Variants in UGT1A7 observed in about 807,000 individuals in gnomAD.
UGT1A7 encodes UDP-glucuronosyltransferase 1A7.
UGT1A7 carries 33 observed loss-of-function variants against 45.6 expected under a neutral mutation model. The ratio of observed to expected loss-of-function variants is 0.72; its 90% CI spans 0.55 to 0.97. The LOEUF (loss-of-function observed/expected upper bound fraction) is 0.97, where lower values mean the gene tolerates loss of function less well. Ranked by LOEUF, UGT1A7 falls within the 50% of genes least tolerant of loss-of-function variation. UGT1A7 has a pLI of 0.00. For synonymous variants in UGT1A7, 274 were observed against 250.6 expected, an observed-to-expected ratio of 1.09 and a Z score of -0.88; for missense variants, 684 against 666.2, an observed-to-expected ratio of 1.03 and a Z score of -0.29.
At chr2:233,767,613 G>C (rs1438949419) in intron 2 of UGT1A7, among the ~76,000 whole-genome samples, 4 of 152,108 alleles carry the variant, frequency 2.6e-5, no homozygotes, top group African/African-American at 9.7e-5. Flanking sequence ...AAAATCCTAA[G>C]TGCACAGCTT....
chr2:233,718,574 C>T (rs1436667300), intron 1 of UGT1A7, among the ~76,000 whole-genome samples: 1 of 152,174 alleles, frequency 6.6e-6, no homozygotes, highest in Non-Finnish European at 1.5e-5. Context: ...CTTGGATGTT[C>T]CCCAGAGGCA....
At chr2:233,689,696 T>G (rs2074954424) in intron 1 of UGT1A7, among the ~76,000 whole-genome samples, 1 of 152,202 alleles carries the variant, frequency 6.6e-6, no homozygotes, top group Non-Finnish European at 1.5e-5. Flanking sequence ...GTTCAGTCGT[T>G]ATTTCCCCTT....
chr2:233,762,209 C>T (rs914722298), intron 1 of UGT1A7, among the ~76,000 whole-genome samples: 1 of 152,104 alleles, frequency 6.6e-6, no homozygotes, highest in Non-Finnish European at 1.5e-5. Flanking sequence ...ATGTATTTGG[C>T]GCCCCATAAA....
At chr2:233,733,135 T>C (rs2078360537) in intron 1 of UGT1A7, among the ~76,000 whole-genome samples, 1 of 152,236 alleles carries the variant, frequency 6.6e-6, no homozygotes, top group Admixed American at 6.5e-5. Flanking sequence ...ATAGGAATGC[T>C]TGTGATTTTT....
intron 1 of UGT1A7, among the ~76,000 whole-genome samples, chr2:233,761,633 C>A (rs1697819960): frequency 6.6e-6 from 1 of 152,236 alleles, no homozygotes; most frequent in Non-Finnish European, 1.5e-5. Context: ...CTAAATCCTG[C>A]AGTCCGTTCT....
chr2:233,689,310 C>T (rs933762427), intron 1 of UGT1A7, among the ~76,000 whole-genome samples: 1 of 151,096 alleles, frequency 6.6e-6, no homozygotes, highest in African/African-American at 2.4e-5. Context: ...CACAGTAAGA[C>T]CAAACATCTA....
intron 1 of UGT1A7, chr2:233,729,644 T>A: frequency 5.6e-6 from 9 of 1,613,954 alleles, no homozygotes; most frequent in Non-Finnish European, 7.6e-6. Flanking sequence ...GTGTTTTTTT[T>A]GAGGAACATT....
intron 1 of UGT1A7, among the ~76,000 whole-genome samples, chr2:233,715,727 A>T (rs2076466166): frequency 6.6e-6 from 1 of 152,216 alleles, no homozygotes; most frequent in Non-Finnish European, 1.5e-5. Flanking sequence ...TGCCATGTTC[A>T]CGCCACCTCA....
At chr2:233,713,126 G>A in intron 1 of UGT1A7, 1 of 1,614,234 alleles carries the variant, frequency 6.2e-7, no homozygotes. Context: ...TCAGCATGCG[G>A]GAGGCCTTGC....
rs188337732 is a variant in UGT1A7 at position 233,682,451 on chromosome 2, A to G, written c.514A>G (p.Ile172Val). 3.7e-6 allele frequency: 6 copies of G among 1,613,876 alleles called. No homozygotes were observed. The Admixed American group carries it at 6.7e-5, about 18-fold the overall frequency. ...CCCCTCTGTGGTCTTCGCCAGGGGA[A>G]TATTTTGCCACTATCTTGAAGAAGG... Reference protein sequence around the residue: ...SLPSVVFARGIFCHYLEEGAQ... With the variant: ...SLPSVVFARGVFCHYLEEGAQ... Residue 172 changes from isoleucine (I) to valine (V), a missense_variant, in exon 1 of 5, where the codon ATA becomes GTA. Ile to Val is a conservative substitution (Grantham distance 29, BLOSUM62 3). Transcript: ENST00000373426.
At chr2:233,724,150 G>A (rs2077177057) in intron 1 of UGT1A7, among the ~76,000 whole-genome samples, 3 of 120,556 alleles carry the variant, frequency 2.5e-5, no homozygotes, top group Non-Finnish European at 5.1e-5. Flanking sequence ...GCGGCTGGCC[G>A]GGTGGGGGGG....
chr2:233,708,891 G>A (rs1366135571), intron 1 of UGT1A7, among the ~76,000 whole-genome samples: 1 of 151,994 alleles, frequency 6.6e-6, no homozygotes, highest in African/African-American at 2.4e-5. Flanking sequence ...AACAATCTCA[G>A]GGGCTATCTG....
chr2:233,767,793 GT>G, intron 2 of UGT1A7, 55 bp from the exon 3 acceptor site: 2 of 1,613,932 alleles, frequency 1.2e-6, no homozygotes, highest in Non-Finnish European at 1.7e-6. Context: ...TAGCAGATTT[GT>G]TTTCTAATCA....
chr2:233,760,507 T>C (rs1199756469), intron 1 of UGT1A7: 2 of 1,614,154 alleles, frequency 1.2e-6, no homozygotes, highest in South Asian at 1.1e-5. Context: ...CGGAGCATTT[T>C]ACACCTTGAA....
intron 1 of UGT1A7, among the ~76,000 whole-genome samples, chr2:233,716,593 A>G (rs17874943): frequency 0.1 from 15,436 of 152,206 alleles, 900 homozygotes; most frequent in East Asian, 0.2. Flanking sequence ...AAGAGCAAAA[A>G]TTTTAGAATT....
intron 1 of UGT1A7, among the ~76,000 whole-genome samples, chr2:233,726,446 C>T (rs1475095997): frequency 6.6e-6 from 1 of 152,204 alleles, no homozygotes; most frequent in African/African-American, 2.4e-5. Context: ...ATTCTTTCCA[C>T]TGAATGTAAG....
Position 233,730,160 on chromosome 2 carries a change from G to A in UGT1A7, c.856-36874G>A, listed in dbSNP as rs546399055. 7.2e-5 allele frequency among the ~76,000 whole-genome samples: 11 copies of A among 152,316 alleles called. No homozygotes were observed. The East Asian group carries it at 1.7e-3, about 24-fold the overall frequency. On this transcript the variant is annotated intron_variant, in intron 1 of 4. Coordinates refer to ENST00000373426, the MANE Select transcript of UGT1A7 (RefSeq NM_019077.3). ...GAGATAAACTGTTAAGGGGTCTCTA[G>A]TAGCGTATTTCAGGTTTTAAATGGT...
chr2:233,747,333 C>T, intron 1 of UGT1A7: 1 of 1,603,778 alleles, frequency 6.2e-7, no homozygotes, highest in South Asian at 1.1e-5. Flanking sequence ...ATGGCAGCCA[C>T]TGGCTCGCAT....
intron 1 of UGT1A7, among the ~76,000 whole-genome samples, chr2:233,748,662 A>G (rs1454000356): frequency 4.0e-5 from 6 of 151,710 alleles, no homozygotes; most frequent in Non-Finnish European, 8.8e-5. Flanking sequence ...TTCAGTTTCC[A>G]GAGAGGGATC....
Sources: allele counts gnomAD v4.1 joint callset (sites outside exome capture counted in the v4.1 genomes callset), GRCh38; gene constraint gnomAD v4.1.1; transcripts MANE v1.5; gene names NCBI Gene and HGNC (gene_info 2026-07-23, HGNC 2026-07-21).